Variants in NKAIN3 observed in about 807,000 individuals in gnomAD.
NKAIN3 encodes sodium/potassium transporting ATPase interacting 3, also known as sodium/potassium-transporting ATPase subunit beta-1-interacting protein 3.
Under a neutral mutation model 30.2 loss-of-function variants are expected in NKAIN3, and 25 were observed. The observed-to-expected ratio is 0.83, with a 90% CI of 0.60 to 1.16. The LOEUF (loss-of-function observed/expected upper bound fraction) is 1.16, where lower values mean the gene tolerates loss of function less well. NKAIN3 is among the 50% of genes most tolerant of loss of function. The pLI, the probability that NKAIN3 is intolerant of heterozygous loss-of-function variation, is 0.00. For synonymous variants in NKAIN3, 91 were observed against 89.6 expected (o/e 1.02, Z -0.09); for missense variants, 225 against 254.1 (o/e 0.89, Z 0.78).
intron 1 of NKAIN3, among the ~76,000 whole-genome samples, chr8:62,528,305 TTATA>T (rs55728279): frequency 2.5e-5 from 3 of 121,206 alleles, no homozygotes; most frequent in African/African-American, 8.8e-5. Flanking sequence ...ATATATTATA[TTATA>T]TATATATATT....
intron 1 of NKAIN3, among the ~76,000 whole-genome samples, chr8:62,280,587 G>T (rs977738118): frequency 6.6e-6 from 1 of 152,086 alleles, no homozygotes; most frequent in Non-Finnish European, 1.5e-5. Flanking sequence ...AGCATGAAGG[G>T]CTATTGAATT....
At position 62,978,489 on chromosome 8, in the gene NKAIN3, A is replaced by C. The variant is rs980663773; in HGVS notation, c.*13082A>C. On this transcript the variant is annotated 3_prime_UTR_variant, in exon 7 of 7. Transcript: ENST00000623646. ...CTGCAGTGGGCTCCACTCAGACTGA[A>C]CTTCCTGGCAGCTTTGTTTACACTG... 7.2e-5 allele frequency: 11 copies of C among 152,252 alleles called. No individual in the cohort carries two copies. The highest frequency in any genetic ancestry group is 2.2e-4 in the African/African-American group (9 of 41,438). 9.4% of individuals were successfully genotyped at this position (152,252 alleles called of 1,614,324 possible).
intron 5 of NKAIN3, among the ~76,000 whole-genome samples, chr8:62,993,030 C>G (rs888166034): frequency 1.4e-4 from 21 of 150,150 alleles, no homozygotes; most frequent in Admixed American, 1.2e-3. Context: ...AGCCTAGGAT[C>G]CTGAAGGTTT....
intron 3 of NKAIN3, among the ~76,000 whole-genome samples, chr8:62,625,356 G>A (rs566903989): frequency 2.6e-5 from 4 of 152,200 alleles, no homozygotes; most frequent in South Asian, 4.2e-4. Flanking sequence ...TAACAGATAA[G>A]GAAGCTAGAG....
intron 1 of NKAIN3, among the ~76,000 whole-genome samples, chr8:62,275,170 C>T (rs970376573): frequency 6.6e-6 from 1 of 152,152 alleles, no homozygotes; most frequent in Non-Finnish European, 1.5e-5. Flanking sequence ...GGAATCGCCA[C>T]ACTGACTTCC....
chr8:62,856,805 T>G (rs879036637), intron 4 of NKAIN3: 1 of 622,814 alleles, frequency 1.6e-6, no homozygotes, highest in South Asian at 1.7e-5. Context: ...ACTGAATCTT[T>G]GTCTTTCTCT....
chr8:62,297,885 G>A (rs1368796456), intron 1 of NKAIN3, among the ~76,000 whole-genome samples: 1 of 152,114 alleles, frequency 6.6e-6, no homozygotes, highest in South Asian at 2.1e-4. Flanking sequence ...TATGTTTATT[G>A]TGGCTCTATT....
intron 1 of NKAIN3, among the ~76,000 whole-genome samples, chr8:62,254,932 G>A (rs1338193562): frequency 6.6e-6 from 1 of 152,190 alleles, no homozygotes; most frequent in Non-Finnish European, 1.5e-5. Context: ...AGTTAACAGA[G>A]CATTTTGTTT....
downstream of NKAIN3, among the ~76,000 whole-genome samples, chr8:62,987,639 C>A (rs116104865): frequency 2.2e-3 from 334 of 152,198 alleles, 4 homozygotes; most frequent in African/African-American, 7.3e-3. Context: ...AGACCTCCCC[C>A]CCATGATTCA....
intron 5 of NKAIN3, among the ~76,000 whole-genome samples, chr8:62,923,550 A>T (rs1488025050): frequency 6.6e-6 from 1 of 152,138 alleles, no homozygotes; most frequent in Non-Finnish European, 1.5e-5. Context: ...ATTTTTAGTA[A>T]TTTTGAAAAT....
At chr8:62,887,237 T>C (rs1021710651) in intron 4 of NKAIN3, among the ~76,000 whole-genome samples, 2 of 152,206 alleles carry the variant, frequency 1.3e-5, no homozygotes, top group African/African-American at 4.8e-5. Context: ...TGTTGTGTTT[T>C]TTTTCTGCCT....
At chr8:62,986,753 C>G (rs1039308353), downstream of NKAIN3, among the ~76,000 whole-genome samples, 1 of 152,102 alleles carries the variant, frequency 6.6e-6, no homozygotes, top group Admixed American at 6.5e-5. Flanking sequence ...CCCCATCCCC[C>G]AAAACTCTGC....
chr8:62,464,113 T>C (rs4520152), intron 1 of NKAIN3, among the ~76,000 whole-genome samples: 22,451 of 152,180 alleles, frequency 0.15, 1,875 homozygotes, highest in East Asian at 0.38. Flanking sequence ...CAAATGTACC[T>C]TGATATTGTT....
At chr8:62,907,124 G>T (rs1586333221) in intron 4 of NKAIN3, among the ~76,000 whole-genome samples, 1 of 152,138 alleles carries the variant, frequency 6.6e-6, no homozygotes, top group Non-Finnish European at 1.5e-5. Flanking sequence ...GTAAAATAAA[G>T]GTGACTCTTG....
At chr8:62,282,503 CTG>C (rs1813239230) in intron 1 of NKAIN3, among the ~76,000 whole-genome samples, 1 of 152,140 alleles carries the variant, frequency 6.6e-6, no homozygotes, top group Non-Finnish European at 1.5e-5. Context: ...TTGACCTGGA[CTG>C]TGTTTTCCCC....
chr8:62,397,397 C>T (rs903752815), intron 1 of NKAIN3, among the ~76,000 whole-genome samples: 2 of 151,056 alleles, frequency 1.3e-5, no homozygotes, highest in East Asian at 3.9e-4. Context: ...ACTTTGTTTT[C>T]CTCAGGAGCA....
At chr8:62,416,489 A>C (rs78101529) in intron 1 of NKAIN3, among the ~76,000 whole-genome samples, 1 of 152,176 alleles carries the variant, frequency 6.6e-6, no homozygotes, top group Non-Finnish European at 1.5e-5. Context: ...CTTAACAAAA[A>C]AGACCAATGG....
chr8:62,528,317 A>T (rs1171961125), intron 1 of NKAIN3, among the ~76,000 whole-genome samples: 2 of 89,724 alleles, frequency 2.2e-5, no homozygotes, highest in African/African-American at 9.5e-5. Context: ...ATATATATAT[A>T]TTATATAATA....
chr8:62,588,967 G>A (rs1481974322), intron 2 of NKAIN3, among the ~76,000 whole-genome samples: 5 of 151,782 alleles, frequency 3.3e-5, no homozygotes, highest in African/African-American at 4.8e-5. Context: ...CTCCATTGAT[G>A]AGTCTCTCGA....
Sources: allele counts gnomAD v4.1 joint callset (sites outside exome capture counted in the v4.1 genomes callset), GRCh38; gene constraint gnomAD v4.1.1; transcripts MANE v1.5; gene names NCBI Gene and HGNC (gene_info 2026-07-23, HGNC 2026-07-21).